Variants in TTC23 observed in about 807,000 individuals in gnomAD.
The protein encoded by TTC23 is tetratricopeptide repeat domain 23.
In TTC23, 58 loss-of-function variants were observed where a neutral mutation model predicts 55.1. The ratio of observed to expected loss-of-function variants is 1.05; its 90% CI spans 0.85 to 1.31. TTC23 has a LOEUF of 1.31. Among genes scored for constraint, TTC23 ranks in the 50% most tolerant of loss-of-function variants. TTC23 has a pLI of 0.00. For synonymous variants in TTC23, 203 were observed against 199.9 expected, an observed-to-expected ratio of 1.02 and a Z score of -0.13; for missense variants, 516 against 534.4, an observed-to-expected ratio of 0.97 and a Z score of 0.34.
At chr15:99,159,524 G>C (rs1438800605) in intron 11 of TTC23, 1 of 152,324 alleles carries the variant, frequency 6.6e-6, no homozygotes, top group East Asian at 1.9e-4. Flanking sequence ...GGTTAGCATT[G>C]GCCTGGAGAT....
rs2070498072 is a variant in TTC23 at position 99,156,032 on chromosome 15, A to G, written c.1143+116T>C. The G allele has an allele frequency of 3.5e-6, 5 of 1,429,372 alleles. No homozygotes were observed. The East Asian group carries it at 1.2e-4, about 33-fold the overall frequency. 88.5% of individuals were successfully genotyped at this position (1,429,372 alleles called of 1,614,324 possible). A position where few individuals can be genotyped will look rare whatever the true frequency, so the allele number is the denominator to read the frequency against. On this transcript the variant is annotated intron_variant, in intron 12 of 13. Transcript: ENST00000394132. ...TCTACCACAAAAGTGATGTCATCCTATCTAAACAAGCCACTTCTAAAGTTT... is the reference window on the plus strand; with the variant it reads ...TCTACCACAAAAGTGATGTCATCCTGTCTAAACAAGCCACTTCTAAAGTTT...
intron 2 of TTC23, among the ~76,000 whole-genome samples, chr15:99,244,624 T>G (rs746043093): frequency 6.6e-6 from 1 of 152,134 alleles, no homozygotes; most frequent in Non-Finnish European, 1.5e-5. Context: ...TCATACATTA[T>G]CGAAAGAAAT....
At chr15:99,156,512 G>A (rs577774781) in intron 11 of TTC23, among the ~76,000 whole-genome samples, 22 of 152,342 alleles carry the variant, frequency 1.4e-4, no homozygotes, top group Non-Finnish European at 2.5e-4. Flanking sequence ...TTCCACATGG[G>A]TGGGGAGGCC....
intron 9 of TTC23, among the ~76,000 whole-genome samples, chr15:99,177,475 G>A (rs983318061): frequency 1.3e-5 from 2 of 152,170 alleles, no homozygotes; most frequent in African/African-American, 4.8e-5. Flanking sequence ...CAGCCACAGG[G>A]ATAGAGTCAA....
intron 12 of TTC23, among the ~76,000 whole-genome samples, chr15:99,147,481 T>A (rs1380806354): frequency 1.3e-5 from 2 of 152,090 alleles, no homozygotes; most frequent in Non-Finnish European, 2.9e-5. Context: ...TGCCTCAGCC[T>A]CCCAAAGTGC....
At chr15:99,153,053 C>A (rs2070046822) in intron 12 of TTC23, among the ~76,000 whole-genome samples, 1 of 152,182 alleles carries the variant, frequency 6.6e-6, no homozygotes, top group South Asian at 2.1e-4. Flanking sequence ...CCTTCCTTGG[C>A]CTCCCAAAGT....
intron 10 of TTC23, among the ~76,000 whole-genome samples, chr15:99,163,086 A>AAAAAC (rs1555502340): frequency 6.7e-6 from 1 of 150,160 alleles, no homozygotes; most frequent in Non-Finnish European, 1.5e-5. Context: ...CCTGTCTCAA[A>AAAAAC]AAACAAACAA....
At chr15:99,209,726 T>A (rs1207399584) in intron 8 of TTC23, among the ~76,000 whole-genome samples, 2 of 152,098 alleles carry the variant, frequency 1.3e-5, no homozygotes, top group East Asian at 1.9e-4. Flanking sequence ...AGTGTGGTTT[T>A]AAAAAAATCA....
intron 12 of TTC23, among the ~76,000 whole-genome samples, chr15:99,143,451 G>A (rs533778394): frequency 1.3e-5 from 2 of 152,256 alleles, no homozygotes; most frequent in East Asian, 1.9e-4. Flanking sequence ...TAAAGAACTC[G>A]CCAAACCTTG....
chr15:99,217,689 C>G (rs1192438300), intron 8 of TTC23, among the ~76,000 whole-genome samples: 1 of 152,164 alleles, frequency 6.6e-6, no homozygotes. Context: ...CCAAGAAAAA[C>G]AAAAGAACAA....
chr15:99,164,370 A>G (rs751408853), intron 10 of TTC23, among the ~76,000 whole-genome samples: 1 of 152,228 alleles, frequency 6.6e-6, no homozygotes, highest in African/African-American at 2.4e-5. Flanking sequence ...GCCCATGTGC[A>G]TAAGTTTGCT....
intron 10 of TTC23, among the ~76,000 whole-genome samples, chr15:99,173,778 C>G (rs1201027888): frequency 6.6e-6 from 1 of 152,172 alleles, no homozygotes; most frequent in Non-Finnish European, 1.5e-5. Context: ...CTCTCTCATA[C>G]TACAGCCATC....
intron 9 of TTC23, among the ~76,000 whole-genome samples, chr15:99,184,741 G>A (rs1387659070): frequency 6.6e-6 from 1 of 152,128 alleles, no homozygotes; most frequent in Non-Finnish European, 1.5e-5. Context: ...AAGACTCTGG[G>A]GGACTGTTGG....
At chr15:99,205,343 T>C (rs2076537661) in intron 8 of TTC23, among the ~76,000 whole-genome samples, 1 of 152,140 alleles carries the variant, frequency 6.6e-6, no homozygotes, top group African/African-American at 2.4e-5. Context: ...AAGAATGTAA[T>C]TGGCATTTTG....
chr15:99,189,660 A>C (rs11637598), intron 9 of TTC23, among the ~76,000 whole-genome samples: 5,411 of 152,264 alleles, frequency 0.036, 132 homozygotes, highest in Non-Finnish European at 0.056. Context: ...GACAAACCCA[A>C]ACTAAGGAAC....
At chr15:99,241,748 C>G (rs2079817032) in intron 2 of TTC23, among the ~76,000 whole-genome samples, 189 bp from the exon 3 acceptor site, 1 of 152,210 alleles carries the variant, frequency 6.6e-6, no homozygotes, top group Non-Finnish European at 1.5e-5. Context: ...CCTGCTTTTC[C>G]AGGTGTGAAC....
At chr15:99,228,827 A>C in intron 4 of TTC23, 95 bp from the exon 5 acceptor site, 1 of 1,027,434 alleles carries the variant, frequency 9.7e-7, no homozygotes, top group South Asian at 2.0e-5. Context: ...AATTTCTTTG[A>C]AATTAGTAGC....
chr15:99,207,209 C>T (rs1282995743), intron 8 of TTC23, among the ~76,000 whole-genome samples: 1 of 151,986 alleles, frequency 6.6e-6, no homozygotes, highest in Non-Finnish European at 1.5e-5. Context: ...TAAAATTGAT[C>T]ATATTAAAAA....
At chr15:99,172,199 G>A (rs1250314721) in intron 10 of TTC23, among the ~76,000 whole-genome samples, 1 of 151,926 alleles carries the variant, frequency 6.6e-6, no homozygotes, top group African/African-American at 2.4e-5. Flanking sequence ...TGTATTTTCA[G>A]TAGAGACGGG....
Sources: allele counts gnomAD v4.1 joint callset (sites outside exome capture counted in the v4.1 genomes callset), GRCh38; gene constraint gnomAD v4.1.1; transcripts MANE v1.5; gene names NCBI Gene and HGNC (gene_info 2026-07-23, HGNC 2026-07-21).